The following ADGRE3 variants were observed in gnomAD, a reference collection of about 807,000 sequenced individuals.
The protein encoded by ADGRE3 is EGF-like module receptor 3.
In ADGRE3, 88 loss-of-function variants were observed where a neutral mutation model predicts 80.1. The observed-to-expected ratio is 1.10, with a 90% CI of 0.93 to 1.31. The LOEUF is 1.31. Ranked by LOEUF, ADGRE3 falls within the 40% of genes most tolerant of loss-of-function variation. ADGRE3 has a pLI of 0.00. For synonymous variants in ADGRE3, 281 were observed against 294.8 expected (o/e 0.95, Z 0.48); for missense variants, 715 against 776.5 (o/e 0.92, Z 0.94).
chr19:14,601,893 C>T, the ADGRE3 span, among the ~76,000 whole-genome samples: 173 of 151,556 alleles, frequency 1.1e-3, 1 homozygote, highest in Middle Eastern at 0.01. Flanking sequence ...CCCGGGTTCA[C>T]GCCATTTTCC....
At chr19:14,621,286 C>A (rs570794809) in intron 15 of ADGRE3, among the ~76,000 whole-genome samples, 1 of 151,742 alleles carries the variant, frequency 6.6e-6, no homozygotes, top group African/African-American at 2.4e-5. Flanking sequence ...AACACCATCT[C>A]TACTAAAAAT....
At chr19:14,617,362 CTTTCTTTCTTTCTTCCTTT>C (rs2075085814), downstream of ADGRE3, among the ~76,000 whole-genome samples, 1 of 91,054 alleles carries the variant, frequency 1.1e-5, no homozygotes, top group African/African-American at 4.4e-5. Flanking sequence ...TTCTTTCTTT[CTTTCTTTCTTTCTTCCTTT>C]CTTTCTTTCT....
the ADGRE3 span, chr19:14,609,999 T>C: frequency 8.3e-7 from 1 of 1,199,572 alleles, no homozygotes; most frequent in Non-Finnish European, 1.2e-6. Flanking sequence ...CATTACAGTA[T>C]TATACAGAAG....
At position 14,668,862 on chromosome 19, in the gene ADGRE3, A is replaced by G; in HGVS notation, c.26-10T>C. 6.2e-7 allele frequency: 1 copy of G among 1,613,912 alleles called. No individual in the cohort carries two copies. The highest frequency in any genetic ancestry group is 8.5e-7 in the Non-Finnish European group (1 of 1,179,846). ...AGCAGAAAGCAGAGGCCTGGAATAGATGGGAAACAGAAGGGAGAGACATGA... is the reference window on the plus strand; with the variant it reads ...AGCAGAAAGCAGAGGCCTGGAATAGGTGGGAAACAGAAGGGAGAGACATGA... On this transcript the variant is annotated splice_polypyrimidine_tract_variant and intron_variant, in intron 1 of 15. Coordinates refer to ENST00000253673, the MANE Select transcript of ADGRE3 (RefSeq NM_032571.5).
At chr19:14,640,063 C>T (rs1002026618) in intron 10 of ADGRE3, among the ~76,000 whole-genome samples, 10 of 152,196 alleles carry the variant, frequency 6.6e-5, no homozygotes, top group African/African-American at 2.4e-4. Context: ...AGATTCCACA[C>T]ATAAGTGAGA....
At chr19:14,618,855 A>AAAAAAAC (rs1200338165), downstream of ADGRE3, among the ~76,000 whole-genome samples, 2 of 149,562 alleles carry the variant, frequency 1.3e-5, no homozygotes, top group Non-Finnish European at 3.0e-5. Context: ...TCAAAAAAAA[A>AAAAAAAC]AAAAAAAAAA....
chr19:14,655,073 G>A lies in ADGRE3; in HGVS notation c.486C>T (p.Thr162=). 1.2e-6 allele frequency: 2 copies of A among 1,613,868 alleles called. No homozygotes were observed. Among genetic ancestry groups the A allele is most frequent in the Non-Finnish European group, 1.7e-6 (2 of 1,179,796 alleles). ...EGRQEISSTA[T]TILRDVESKV... is the part of the protein sequence containing the mutation. The stretch of plus-strand genomic sequence containing the variant: ...TCGATTCCACATCCCGGAGAATAGT[G>A]GTAGCTGTGGATGAGATTTCTTGTC... The change falls in exon 6 of 16, where the codon ACC becomes ACT. Residue 162 remains threonine (T), a synonymous_variant. Coordinates refer to ENST00000253673, the MANE Select transcript of ADGRE3 (RefSeq NM_032571.5).
At chr19:14,642,837 G>A (rs1415682272) in intron 9 of ADGRE3, among the ~76,000 whole-genome samples, 1 of 152,082 alleles carries the variant, frequency 6.6e-6, no homozygotes. Flanking sequence ...CCATTGATGG[G>A]CATTTAGGTT....
At chr19:14,626,638 T>C (rs1970744467) in intron 14 of ADGRE3, among the ~76,000 whole-genome samples, 1 of 152,084 alleles carries the variant, frequency 6.6e-6, no homozygotes, top group African/African-American at 2.4e-5. Context: ...AGGAGTTTAT[T>C]TGAGGGGTGA....
chr19:14,651,121 T>A lies in ADGRE3; in HGVS notation c.661A>T (p.Ile221Phe), dbSNP rs199514629. Residue 221 changes from isoleucine (I) to phenylalanine (F), a missense_variant, in exon 7 of 16, where the codon ATC (isoleucine) becomes TTC (phenylalanine). By Grantham distance (21) the Ile-to-Phe change is conservative. Coordinates refer to ENST00000253673, the MANE Select transcript of ADGRE3 (RefSeq NM_032571.5). ...CCCTGGATGATGTCACTGCAACGGATGTCCATTGAGTTCATTTGGACGTTC... is the reference window on the plus strand; with the variant it reads ...CCCTGGATGATGTCACTGCAACGGAAGTCCATTGAGTTCATTTGGACGTTC... ...NLNVQMNSMD[I>F]RCSDIIQGDT... 5.0e-6 allele frequency: 8 copies of A among 1,613,976 alleles called. No individual in the cohort carries two copies. The highest frequency in any genetic ancestry group is 6.8e-6 in the Non-Finnish European group (8 of 1,179,930).
intron 7 of ADGRE3, among the ~76,000 whole-genome samples, chr19:14,647,815 C>T (rs1230024630): frequency 6.6e-6 from 1 of 151,086 alleles, no homozygotes; most frequent in Non-Finnish European, 1.5e-5. Context: ...CATGGTGGCT[C>T]ACACCTGTAA....
At chr19:14,667,093 T>C (rs1181447857) in intron 2 of ADGRE3, among the ~76,000 whole-genome samples, 2 of 152,160 alleles carry the variant, frequency 1.3e-5, no homozygotes, top group East Asian at 1.9e-4. Context: ...TCCAACATGG[T>C]GACCTCAGTC....
intron 15 of ADGRE3, among the ~76,000 whole-genome samples, chr19:14,624,281 A>T (rs1214333826): frequency 6.6e-6 from 1 of 151,914 alleles, no homozygotes; most frequent in Non-Finnish European, 1.5e-5. Flanking sequence ...TTTAGTAGAG[A>T]TGGGGTTTCT....
chr19:14,672,986 G>A (rs1472341971), intron 1 of ADGRE3, among the ~76,000 whole-genome samples: 1 of 152,112 alleles, frequency 6.6e-6, no homozygotes, highest in East Asian at 1.9e-4. Context: ...TGGGCTAAAA[G>A]TTCCTGGATA....
chr19:14,615,443 A>C (rs1599592729), downstream of ADGRE3, among the ~76,000 whole-genome samples: 1 of 151,930 alleles, frequency 6.6e-6, no homozygotes. Context: ...AATTTTTAAA[A>C]TTAAAAAAAA....
chr19:14,632,318 T>C (rs1970907199), intron 13 of ADGRE3, among the ~76,000 whole-genome samples: 1 of 152,238 alleles, frequency 6.6e-6, no homozygotes. Flanking sequence ...ATAAAAAATA[T>C]ACTCCTGTGT....
At chr19:14,604,847 C>A in the ADGRE3 span, among the ~76,000 whole-genome samples, 3 of 152,054 alleles carry the variant, frequency 2.0e-5, 1 homozygote, top group South Asian at 6.2e-4. Context: ...AAGCAAACAT[C>A]AATTGGCATT....
chr19:14,619,866 C>T (rs1970487589), intron 15 of ADGRE3, among the ~76,000 whole-genome samples: 1 of 152,210 alleles, frequency 6.6e-6, no homozygotes, highest in South Asian at 2.1e-4. Context: ...CACCCCACAA[C>T]TTACAGCTTG....
the ADGRE3 span, among the ~76,000 whole-genome samples, chr19:14,605,205 C>G: frequency 6.6e-6 from 1 of 151,952 alleles, no homozygotes; most frequent in Non-Finnish European, 1.5e-5. Flanking sequence ...TCAAGCAATT[C>G]TCCTCTCTCA....
Sources: gnomAD v4.1 joint callset for allele counts (sites outside exome capture counted in the v4.1 genomes callset) on GRCh38, gnomAD v4.1.1 for gene constraint, MANE v1.5 for transcripts, NCBI Gene and HGNC (gene_info 2026-07-23, HGNC 2026-07-21) for gene names.